RAD51B: variants seen among roughly 807,000 people sequenced by gnomAD.
RAD51B encodes DNA repair protein RAD51 homolog 2.
RAD51B carries 38 observed loss-of-function variants against 42.2 expected under a neutral mutation model. The ratio of observed to expected loss-of-function variants is 0.90; its 90% CI spans 0.70 to 1.18. The LOEUF is 1.18. Ranked by LOEUF, RAD51B falls within the 50% of genes most tolerant of loss-of-function variation. The pLI is 0.00. For synonymous variants in RAD51B, 154 were observed against 145.2 expected, an observed-to-expected ratio of 1.06 and a Z score of -0.43; for missense variants, 373 against 400.7, an observed-to-expected ratio of 0.93 and a Z score of 0.59.
In RAD51B at chr14:68,654,234, G is replaced by A. The variant is rs139514076; in HGVS notation, c.*11+3378G>A. 5.9e-5 allele frequency among the ~76,000 whole-genome samples: 9 copies of A among 152,342 alleles called. No homozygotes were observed. In the East Asian group the frequency reaches 9.7e-4, roughly 16 times the overall value. ...GATGAAGACAGGGAATAAGCCCAGC[G>A]CTACAGAGCTGATGGAATCCTGGTG... On this transcript the variant is annotated intron_variant, in intron 11 of 11. Transcript: ENST00000488612.
chr14:67,951,241 G>A (rs1197984303), intron 7 of RAD51B, among the ~76,000 whole-genome samples: 1 of 152,218 alleles, frequency 6.6e-6, no homozygotes, highest in East Asian at 1.9e-4. Context: ...GTACGTAGTT[G>A]GTGCCTGTAG....
intron 4 of RAD51B, among the ~76,000 whole-genome samples, chr14:67,861,949 A>C (rs912465499): frequency 6.6e-6 from 1 of 151,872 alleles, no homozygotes; most frequent in African/African-American, 2.4e-5. Flanking sequence ...ACTCTTCAAA[A>C]ATGTTACAAA....
At chr14:68,129,122 G>A (rs1354458557) in intron 7 of RAD51B, among the ~76,000 whole-genome samples, 2 of 152,124 alleles carry the variant, frequency 1.3e-5, no homozygotes, top group East Asian at 3.8e-4. Context: ...TGAGGAGATC[G>A]GCTCTGAGAT....
intron 7 of RAD51B, among the ~76,000 whole-genome samples, chr14:67,989,108 C>G (rs2075245126): frequency 6.6e-6 from 1 of 152,120 alleles, no homozygotes; most frequent in Admixed American, 6.5e-5. Context: ...CTGATCTATC[C>G]ACTACTGGCT....
intron 8 of RAD51B, among the ~76,000 whole-genome samples, chr14:68,296,326 TTTC>T (rs1041110422): frequency 1.3e-5 from 2 of 152,136 alleles, no homozygotes; most frequent in African/African-American, 4.8e-5. Context: ...GTCACAGTAT[TTTC>T]TTCTTCAGAT....
intron 11 of RAD51B, chr14:68,683,044 C>T (rs374655734): frequency 1.4e-6 from 1 of 720,684 alleles, no homozygotes; most frequent in Admixed American, 6.2e-5. Context: ...AGTAATCGCC[C>T]AAAATATGCC....
At chr14:68,309,765 G>T (rs2081933295) in intron 8 of RAD51B, among the ~76,000 whole-genome samples, 1 of 152,128 alleles carries the variant, frequency 6.6e-6, no homozygotes, top group South Asian at 2.1e-4. Context: ...AATGGTAGAG[G>T]CTGGATGTCT....
intron 10 of RAD51B, among the ~76,000 whole-genome samples, chr14:68,508,603 T>C (rs1885505209): frequency 6.6e-6 from 1 of 152,102 alleles, no homozygotes; most frequent in Non-Finnish European, 1.5e-5. Flanking sequence ...GGTGACCTCC[T>C]ACCCTGTCTG....
intron 11 of RAD51B, among the ~76,000 whole-genome samples, chr14:68,655,817 C>T (rs1339429088): frequency 1.3e-5 from 2 of 152,228 alleles, no homozygotes; most frequent in African/African-American, 2.4e-5. Flanking sequence ...TCTTACAGAT[C>T]GGCGGGGTCT....
intron 7 of RAD51B, among the ~76,000 whole-genome samples, chr14:68,038,387 C>G (rs1238537626): frequency 6.6e-6 from 1 of 151,758 alleles, no homozygotes; most frequent in Non-Finnish European, 1.5e-5. Flanking sequence ...TATTTTTATT[C>G]ATAGCTTGAT....
At chr14:68,246,863 C>CT (rs2080509693) in intron 7 of RAD51B, among the ~76,000 whole-genome samples, 2 of 152,196 alleles carry the variant, frequency 1.3e-5, no homozygotes, top group African/African-American at 4.8e-5. Context: ...TGGGTACGCA[C>CT]TTTCTTGTAG....
chr14:68,540,930 C>G, intron 10 of RAD51B: 2 of 985,432 alleles, frequency 2.0e-6, no homozygotes, highest in African/African-American at 1.7e-5. Flanking sequence ...GAAAGAGAGG[C>G]AGGGCATGCT....
intron 7 of RAD51B, among the ~76,000 whole-genome samples, chr14:68,007,018 A>T (rs1208106676): frequency 3.3e-5 from 5 of 151,882 alleles, no homozygotes; most frequent in African/African-American, 1.2e-4. Context: ...CTTAGTAGTC[A>T]CTCCAGATTC....
chr14:67,928,569 C>G (rs560091159), intron 7 of RAD51B, among the ~76,000 whole-genome samples: 124 of 152,018 alleles, frequency 8.2e-4, no homozygotes, highest in Non-Finnish European at 1.5e-4. Flanking sequence ...TGCGGGTCAC[C>G]ATGATGTCCT....
chr14:68,099,135 T>G (rs914948007), intron 7 of RAD51B, among the ~76,000 whole-genome samples: 1 of 152,254 alleles, frequency 6.6e-6, no homozygotes, highest in Non-Finnish European at 1.5e-5. Flanking sequence ...AAAGTCTCTT[T>G]GTTCTCCCCA....
At chr14:68,429,426 G>T (rs968397380) in intron 9 of RAD51B, among the ~76,000 whole-genome samples, 1 of 152,138 alleles carries the variant, frequency 6.6e-6, no homozygotes, top group African/African-American at 2.4e-5. Flanking sequence ...GTTGTTTCCT[G>T]ACTTTTTAAT....
chr14:68,300,709 T>A (rs1321289351), intron 8 of RAD51B, among the ~76,000 whole-genome samples: 1 of 152,182 alleles, frequency 6.6e-6, no homozygotes, highest in Non-Finnish European at 1.5e-5. Flanking sequence ...GTCTCTTCTG[T>A]TTATCCAGAA....
chr14:67,898,474 A>C (rs1305174558), intron 7 of RAD51B, among the ~76,000 whole-genome samples: 1 of 152,218 alleles, frequency 6.6e-6, no homozygotes, highest in Non-Finnish European at 1.5e-5. Context: ...TAAAAGTTTT[A>C]GTTACACAAG....
At chr14:68,561,530 G>A (rs1889147075) in intron 10 of RAD51B, among the ~76,000 whole-genome samples, 1 of 152,220 alleles carries the variant, frequency 6.6e-6, no homozygotes, top group African/African-American at 2.4e-5. Flanking sequence ...AGCAGTGTGA[G>A]GATTCAGGCT....
Sources: gnomAD v4.1 joint callset for allele counts (sites outside exome capture counted in the v4.1 genomes callset) on GRCh38, gnomAD v4.1.1 for gene constraint, MANE v1.5 for transcripts, NCBI Gene and HGNC (gene_info 2026-07-23, HGNC 2026-07-21) for gene names.